Variants in NEGR1 observed in about 807,000 individuals in gnomAD.
The protein encoded by NEGR1 is neuronal growth regulator 1.
In NEGR1, 10 loss-of-function variants were observed where a neutral mutation model predicts 40.9. That is an observed-to-expected ratio of 0.24 (90% CI 0.15 to 0.42). The LOEUF is 0.42. Ranked by LOEUF, NEGR1 falls within the 10% of genes least tolerant of loss-of-function variation. NEGR1 has a pLI of 1.00. For synonymous variants in NEGR1, 185 were observed against 166.8 expected (o/e 1.11, Z -0.84); for missense variants, 352 against 438.9 (o/e 0.80, Z 1.77).
At chr1:71,793,430 A>G (rs1318569313) in intron 2 of NEGR1, among the ~76,000 whole-genome samples, 1 of 149,372 alleles carries the variant, frequency 6.7e-6, no homozygotes, top group Non-Finnish European at 1.5e-5. Context: ...ATCAGCAACA[A>G]ATAAATAACA....
chr1:72,142,337 G>T (rs964723088), intron 1 of NEGR1, among the ~76,000 whole-genome samples: 9 of 151,858 alleles, frequency 5.9e-5, no homozygotes, highest in Admixed American at 5.3e-4. Context: ...ATGTGAGATT[G>T]ATCTTTCACA....
intron 1 of NEGR1, among the ~76,000 whole-genome samples, chr1:71,942,455 C>CTATCTATATATATA (rs1342537095): frequency 9.4e-5 from 2 of 21,298 alleles, no homozygotes; most frequent in Non-Finnish European, 1.6e-4. Context: ...TTCTTTAAAT[C>CTATCTATATATATA]TATATATATA....
At chr1:72,015,575 C>T (rs550156467) in intron 1 of NEGR1, among the ~76,000 whole-genome samples, 155 of 152,196 alleles carry the variant, frequency 1.0e-3, no homozygotes, top group African/African-American at 3.5e-3. Flanking sequence ...GAGGCCAAGG[C>T]AGGAGGATTG....
At chr1:72,140,676 TC>T (rs1480720364) in intron 1 of NEGR1, among the ~76,000 whole-genome samples, 1 of 152,070 alleles carries the variant, frequency 6.6e-6, no homozygotes, top group African/African-American at 2.4e-5. Context: ...CAGTTGTTTT[TC>T]AATCGAAATA....
chr1:71,895,247 G>C (rs1249821059), intron 2 of NEGR1, among the ~76,000 whole-genome samples: 1 of 152,122 alleles, frequency 6.6e-6, no homozygotes, highest in Non-Finnish European at 1.5e-5. Flanking sequence ...CCTAGGTACA[G>C]AGCTTTTCAA....
At chr1:71,963,391 C>T (rs918119272) in intron 1 of NEGR1, among the ~76,000 whole-genome samples, 1 of 152,244 alleles carries the variant, frequency 6.6e-6, no homozygotes, top group South Asian at 2.1e-4. Flanking sequence ...CTATTCACGT[C>T]TTTTAGGTGG....
intron 4 of NEGR1, among the ~76,000 whole-genome samples, chr1:71,622,036 C>T (rs1650625305): frequency 6.6e-6 from 1 of 151,912 alleles, no homozygotes; most frequent in South Asian, 2.1e-4. Context: ...CAACGGTTAG[C>T]ACTGGTGAAA....
intron 1 of NEGR1, among the ~76,000 whole-genome samples, chr1:71,970,210 C>T (rs1473513101): frequency 1.3e-5 from 2 of 151,966 alleles, no homozygotes; most frequent in African/African-American, 4.8e-5. Context: ...GCTTGGAGGC[C>T]AGGATGGTAG....
chr1:72,008,116 G>T (rs1271150178), intron 1 of NEGR1, among the ~76,000 whole-genome samples: 1 of 152,038 alleles, frequency 6.6e-6, no homozygotes. Flanking sequence ...GAAATATGAG[G>T]ATATGATGAT....
chr1:71,994,975 C>A, intron 1 of NEGR1, among the ~76,000 whole-genome samples: 2 of 138,220 alleles, frequency 1.4e-5, no homozygotes, highest in African/African-American at 2.7e-5. Flanking sequence ...ATTAGGGAGA[C>A]CTAAATCTCC....
intron 1 of NEGR1, among the ~76,000 whole-genome samples, chr1:71,941,113 A>G (rs143258131): frequency 4.6e-4 from 70 of 152,300 alleles, no homozygotes; most frequent in African/African-American, 1.5e-3. Context: ...CTTACCAGCT[A>G]CCTTTACTGC....
intron 6 of NEGR1, among the ~76,000 whole-genome samples, chr1:71,425,198 G>A (rs538150894): frequency 6.6e-6 from 1 of 152,236 alleles, no homozygotes; most frequent in Admixed American, 6.5e-5. Flanking sequence ...TTCACAGTGG[G>A]CTGGAATATT....
chr1:72,005,152 CAT>C (rs905140337), intron 1 of NEGR1, among the ~76,000 whole-genome samples: 4 of 152,042 alleles, frequency 2.6e-5, no homozygotes, highest in African/African-American at 9.7e-5. Context: ...TTGAAAATAA[CAT>C]ATTTGGCACC....
chr1:71,465,201 C>G (rs939977984), intron 6 of NEGR1, among the ~76,000 whole-genome samples: 6 of 152,086 alleles, frequency 3.9e-5, no homozygotes, highest in African/African-American at 1.4e-4. Context: ...GTGAGAACAA[C>G]AGAGATAAAA....
chr1:71,960,444 G>T (rs1165692532), intron 1 of NEGR1, among the ~76,000 whole-genome samples: 1 of 152,080 alleles, frequency 6.6e-6, no homozygotes, highest in Non-Finnish European at 1.5e-5. Flanking sequence ...AAGGTTTATT[G>T]CCACACATAT....
chr1:71,467,173 T>G (rs1646752702), intron 6 of NEGR1, among the ~76,000 whole-genome samples: 5 of 152,078 alleles, frequency 3.3e-5, no homozygotes, highest in Admixed American at 3.3e-4. Context: ...GGCTCAAAGC[T>G]GAAGGTTGGA....
At chr1:71,467,763 T>C (rs561605469) in intron 6 of NEGR1, among the ~76,000 whole-genome samples, 111 of 152,174 alleles carry the variant, frequency 7.3e-4, no homozygotes, top group African/African-American at 2.6e-3. Context: ...AATTGGTATC[T>C]GGCATCGCAA....
At chr1:71,861,476 A>G (rs989532398) in intron 2 of NEGR1, among the ~76,000 whole-genome samples, 2 of 152,032 alleles carry the variant, frequency 1.3e-5, no homozygotes, top group Admixed American at 6.6e-5. Context: ...TAAGACTAGA[A>G]TCAGATTCCT....
At chr1:71,699,139 C>G (rs1405245066) in intron 3 of NEGR1, among the ~76,000 whole-genome samples, 1 of 151,924 alleles carries the variant, frequency 6.6e-6, no homozygotes, top group Non-Finnish European at 1.5e-5. Flanking sequence ...AATATTATTT[C>G]TATCTTCCCC....
Sources: gnomAD v4.1 joint callset for allele counts (sites outside exome capture counted in the v4.1 genomes callset) on GRCh38, gnomAD v4.1.1 for gene constraint, MANE v1.5 for transcripts, NCBI Gene and HGNC (gene_info 2026-07-23, HGNC 2026-07-21) for gene names.